The following TBC1D19 variants were observed in gnomAD, a reference collection of about 807,000 sequenced individuals.
TBC1D19 encodes the protein TBC1 domain family member 19.
Under a neutral mutation model 89.0 loss-of-function variants are expected in TBC1D19, and 60 were observed. The observed-to-expected ratio is 0.67, with a 90% confidence interval of 0.55 to 0.84. The LOEUF (loss-of-function observed/expected upper bound fraction) is 0.84, where lower values mean the gene tolerates loss of function less well. TBC1D19 is among the 40% of genes least tolerant of loss of function. TBC1D19 has a pLI of 0.00. For synonymous variants in TBC1D19, 189 were observed against 199.7 expected (o/e 0.95, Z 0.45); for missense variants, 500 against 610.8 (o/e 0.82, Z 1.91).
At chr4:26,601,768 C>T (rs1740622713) in intron 1 of TBC1D19, among the ~76,000 whole-genome samples, 1 of 152,132 alleles carries the variant, frequency 6.6e-6, no homozygotes, top group Non-Finnish European at 1.5e-5. Context: ...GCTTTAGCTT[C>T]ACCTTCTACT....
At chr4:26,714,084 G>A (rs1716388760) in intron 13 of TBC1D19, among the ~76,000 whole-genome samples, 1 of 151,994 alleles carries the variant, frequency 6.6e-6, no homozygotes. Flanking sequence ...AGTGGCTCAC[G>A]CCTGTAATCC....
Position 26,590,796 on chromosome 4 carries a change from G to GTTTTTTTTTTTTTTTTTTTTTTTTTTTTT in TBC1D19, c.99+6507_99+6535dup, listed in dbSNP as rs869124166. On this transcript the variant is annotated intron_variant, in intron 1 of 20. Coordinates refer to ENST00000264866, the MANE Select transcript of TBC1D19 (RefSeq NM_018317.4). ...GGTTCACTCTTTGTCTTGCAGGTCTGTTTTTTTTTTTTTTTTTTTTTTTTT... is the reference window on the plus strand; with the variant it reads ...GGTTCACTCTTTGTCTTGCAGGTCTGTTTTTTTTTTTTTTTTTTTTTTTTTTTTTTTTTTTTTTTTTTTTTTTTTTTTTT... 3.0e-4 allele frequency among the ~76,000 whole-genome samples: 16 copies of GTTTTTTTTTTTTTTTTTTTTTTTTTTTTT among 52,958 alleles called. 1 individual carries two copies. The highest frequency in any genetic ancestry group is 3.4e-4 in the Admixed American group (1 of 2,972). 34.7% of individuals were successfully genotyped at this position (52,958 alleles called of 152,430 possible).
chr4:26,745,426 A>G (rs1718596300), intron 18 of TBC1D19, among the ~76,000 whole-genome samples: 1 of 127,390 alleles, frequency 7.8e-6, no homozygotes, highest in Non-Finnish European at 1.7e-5. Context: ...ATTCCATTTT[A>G]TCTCCACTAT....
chr4:26,652,928 C>G (rs1199463243), intron 7 of TBC1D19, among the ~76,000 whole-genome samples: 1 of 152,068 alleles, frequency 6.6e-6, no homozygotes, highest in Non-Finnish European at 1.5e-5. Context: ...TGTGTTTGCT[C>G]TTGCTTCTCT....
At chr4:26,665,153 G>A (rs943630041) in intron 8 of TBC1D19, among the ~76,000 whole-genome samples, 7 of 151,972 alleles carry the variant, frequency 4.6e-5, no homozygotes, top group South Asian at 2.1e-4. Flanking sequence ...AGGGGTCTGC[G>A]GTAGATCTTA....
chr4:26,776,050 C>G, the TBC1D19 span, among the ~76,000 whole-genome samples: 99 of 152,224 alleles, frequency 6.5e-4, no homozygotes, highest in African/African-American at 2.3e-3. Context: ...TCAGGTATGA[C>G]AAGATGTTCC....
chr4:26,646,764 C>T (rs974599350), intron 7 of TBC1D19, among the ~76,000 whole-genome samples: 1 of 152,038 alleles, frequency 6.6e-6, no homozygotes. Flanking sequence ...CACTTGGACA[C>T]AGGGTGGGAA....
At chr4:26,720,642 G>A (rs996937105) in intron 15 of TBC1D19, among the ~76,000 whole-genome samples, 3 of 152,018 alleles carry the variant, frequency 2.0e-5, no homozygotes, top group Admixed American at 1.3e-4. Flanking sequence ...AACTAGACAG[G>A]TTTTAAGATA....
chr4:26,849,198 ACAAAC>A, the TBC1D19 span, among the ~76,000 whole-genome samples: 1 of 71,488 alleles, frequency 1.4e-5, no homozygotes, highest in East Asian at 3.5e-4. Context: ...ACACACACAC[ACAAAC>A]ACACACACAC....
At chr4:26,846,657 C>T in the TBC1D19 span, among the ~76,000 whole-genome samples, 11 of 152,100 alleles carry the variant, frequency 7.2e-5, no homozygotes, top group Non-Finnish European at 1.2e-4. Context: ...TATTTCCCAT[C>T]AAGATTATAT....
intron 15 of TBC1D19, among the ~76,000 whole-genome samples, chr4:26,726,693 C>T (rs1281573864): frequency 6.6e-6 from 1 of 152,106 alleles, no homozygotes; most frequent in African/African-American, 2.4e-5. Flanking sequence ...ATTACTTCAA[C>T]AAATGAATTA....
chr4:26,756,963 CT>C (rs1301876146), downstream of TBC1D19, among the ~76,000 whole-genome samples: 1 of 152,020 alleles, frequency 6.6e-6, no homozygotes, highest in African/African-American at 2.4e-5. Flanking sequence ...AAGCTGTGCT[CT>C]TGGCTGCTTG....
At chr4:26,768,728 A>T in the TBC1D19 span, among the ~76,000 whole-genome samples, 8 of 152,124 alleles carry the variant, frequency 5.3e-5, no homozygotes, top group Non-Finnish European at 8.8e-5. Context: ...AGAAGAAAAG[A>T]TTAGTGAATC....
At chr4:26,723,905 G>A (rs1395853342) in intron 15 of TBC1D19, among the ~76,000 whole-genome samples, 1 of 152,196 alleles carries the variant, frequency 6.6e-6, no homozygotes, top group African/African-American at 2.4e-5. Flanking sequence ...ATGAATGAAA[G>A]TAATTTCAAA....
At chr4:26,597,802 A>C (rs1392003699) in intron 1 of TBC1D19, among the ~76,000 whole-genome samples, 1 of 151,922 alleles carries the variant, frequency 6.6e-6, no homozygotes, top group Non-Finnish European at 1.5e-5. Flanking sequence ...GATATACTTC[A>C]TATTCTGTTT....
chr4:26,777,319 G>C, the TBC1D19 span, among the ~76,000 whole-genome samples: 1 of 151,896 alleles, frequency 6.6e-6, no homozygotes, highest in East Asian at 1.9e-4. Flanking sequence ...ATTTTTAGTG[G>C]AGATGGGGTT....
At chr4:26,639,592 T>C (rs1365709248) in intron 6 of TBC1D19, among the ~76,000 whole-genome samples, 1 of 152,210 alleles carries the variant, frequency 6.6e-6, no homozygotes, top group Non-Finnish European at 1.5e-5. Context: ...ATTTTGTAAA[T>C]ATAAAATGAA....
chr4:26,624,161 A>G (rs996189223), intron 4 of TBC1D19, among the ~76,000 whole-genome samples: 4 of 151,886 alleles, frequency 2.6e-5, no homozygotes, highest in Admixed American at 1.3e-4. Context: ...TGCATCATTA[A>G]CACTTGTTTT....
the TBC1D19 span, among the ~76,000 whole-genome samples, chr4:26,829,919 G>T: frequency 1.3e-5 from 2 of 152,172 alleles, no homozygotes; most frequent in Non-Finnish European, 2.9e-5. Flanking sequence ...GTAAGACAGG[G>T]CTCTCCAGTG....
Sources: allele counts gnomAD v4.1 joint callset (sites outside exome capture counted in the v4.1 genomes callset), GRCh38; gene constraint gnomAD v4.1.1; transcripts MANE v1.5; gene names NCBI Gene and HGNC (gene_info 2026-07-23, HGNC 2026-07-21).